Variants in STK17A observed in about 807,000 individuals in gnomAD.
STK17A encodes the protein serine/threonine-protein kinase 17A.
Under a neutral mutation model 43.7 loss-of-function variants are expected in STK17A, and 26 were observed. That is an observed-to-expected ratio of 0.60 (90% CI 0.44 to 0.83). The LOEUF is 0.83. Among genes scored for constraint, STK17A ranks in the 40% least tolerant of loss-of-function variants. The pLI, the probability that STK17A is intolerant of heterozygous loss-of-function variation, is 0.00. For missense variants in STK17A, 476 were observed against 511.6 expected (o/e 0.93, Z 0.67); for synonymous variants, 191 against 182.5 (o/e 1.05, Z -0.38).
chr7:43,590,425 A>T (rs969957547), intron 1 of STK17A, among the ~76,000 whole-genome samples: 1 of 151,308 alleles, frequency 6.6e-6, no homozygotes, highest in Admixed American at 6.6e-5. Context: ...GGTGGGTCTC[A>T]ATCAAATGTC....
intron 2 of STK17A, among the ~76,000 whole-genome samples, chr7:43,604,645 G>A (rs1052977664): frequency 2.6e-5 from 4 of 152,122 alleles, no homozygotes; most frequent in African/African-American, 9.7e-5. Context: ...AGCAATTTGA[G>A]TATAGTGCCT....
At chr7:43,617,085 G>A (rs2083425264) in intron 3 of STK17A, among the ~76,000 whole-genome samples, 1 of 152,212 alleles carries the variant, frequency 6.6e-6, no homozygotes, top group South Asian at 2.1e-4. Context: ...TCTTGTGAGA[G>A]GGAGCATGGC....
chr7:43,619,056 A>G (rs759685693), intron 3 of STK17A, among the ~76,000 whole-genome samples: 1 of 152,194 alleles, frequency 6.6e-6, no homozygotes, highest in Non-Finnish European at 1.5e-5. Flanking sequence ...ATGGGGAGGA[A>G]TTTCAACAAT....
chr7:43,590,835 A>T (rs1385283330), intron 1 of STK17A, among the ~76,000 whole-genome samples: 1 of 151,438 alleles, frequency 6.6e-6, no homozygotes, highest in Non-Finnish European at 1.5e-5. Flanking sequence ...TACAGTCACA[A>T]TTTTTACCAT....
At chr7:43,605,758 C>T (rs751913865) in intron 2 of STK17A, among the ~76,000 whole-genome samples, 16 of 151,982 alleles carry the variant, frequency 1.1e-4, no homozygotes, top group Non-Finnish European at 1.9e-4. Context: ...GCTCATGGTC[C>T]TATACCTGTT....
rs57811536 is a variant in STK17A, at chr7:43,595,267, C to CTTT, written c.207-616_207-614dup. On this transcript the variant is annotated intron_variant, in intron 1 of 6. Coordinates refer to ENST00000319357, the MANE Select transcript of STK17A (RefSeq NM_004760.3). ...CAATTTCTATTAAAAAATCAAATGGCTTTTTTTTTTTTTTTTTTTTCCCCC... is the reference window on the plus strand; with the variant it reads ...CAATTTCTATTAAAAAATCAAATGGCTTTTTTTTTTTTTTTTTTTTTTTCCCCC... Among the ~76,000 whole-genome samples, 325 of 88,310 alleles carry CTTT rather than the reference C, an allele frequency of 3.7e-3. 1 individual carries two copies. Among genetic ancestry groups the CTTT allele is most frequent in the East Asian group, 6.5e-3 (18 of 2,790 alleles). The allele number at this position is 88,310 out of a possible 152,430, so 57.9% of individuals were successfully genotyped here.
At chr7:43,592,446 A>AAAGGAAAACTACGTTTTTC (rs2082486206) in intron 1 of STK17A, among the ~76,000 whole-genome samples, 1 of 150,690 alleles carries the variant, frequency 6.6e-6, no homozygotes, top group Non-Finnish European at 1.5e-5. Flanking sequence ...AATGATAAAA[A>AAAGGAAAACTACGTTTTTC]CATGGAGGAC....
At chr7:43,617,214 T>C (rs1002283227) in intron 3 of STK17A, among the ~76,000 whole-genome samples, 2 of 152,046 alleles carry the variant, frequency 1.3e-5, no homozygotes, top group Non-Finnish European at 2.9e-5. Flanking sequence ...ATGCACACCA[T>C]GCGAAGGAGT....
At chr7:43,603,693 A>G (rs570214728) in intron 2 of STK17A, among the ~76,000 whole-genome samples, 1 of 152,312 alleles carries the variant, frequency 6.6e-6, no homozygotes, top group Non-Finnish European at 1.5e-5. Context: ...TAGAATAACT[A>G]TGCTGGGGGC....
Position 43,610,867 on chromosome 7 carries a change from A to C in STK17A, c.564+2467A>C, listed in dbSNP as rs528499398. Among the ~76,000 whole-genome samples the C allele has an allele frequency of 3.3e-5, 5 of 152,278 alleles. No individual in the cohort carries two copies. In the South Asian group the frequency reaches 1.0e-3, roughly 32 times the overall value. On this transcript the variant is annotated intron_variant, in intron 3 of 6. Coordinates refer to ENST00000319357, the MANE Select transcript of STK17A (RefSeq NM_004760.3). ...CGCAGTGGCTCATGCCTGTAATCCC[A>C]GCACTTTGGGAGGTCAAGGAGGGCA...
At position 43,626,415 on chromosome 7, in the gene STK17A, C is replaced by T. The variant is rs1018873527; in HGVS notation, c.*1573C>T. 7.2e-5 allele frequency: 11 copies of T among 152,212 alleles called. No individual in the cohort carries two copies. The highest frequency in any genetic ancestry group is 2.4e-4 in the African/African-American group (10 of 41,464). The allele number at this position is 152,212 out of a possible 1,614,324, so 9.4% of individuals were successfully genotyped here. On this transcript the variant is annotated 3_prime_UTR_variant, in exon 7 of 7. Transcript: ENST00000319357. ...GCCCTTTACACCATTAGGTGAAATT[C>T]ATCAGGCACTTCAGACAACCAGGTT...
intron 2 of STK17A, among the ~76,000 whole-genome samples, chr7:43,598,465 G>A (rs1461514300): frequency 1.1e-4 from 13 of 119,066 alleles, no homozygotes; most frequent in East Asian, 7.2e-4. Context: ...GCAAGACTCC[G>A]TCTCAAAAAA....
intron 1 of STK17A, among the ~76,000 whole-genome samples, chr7:43,588,714 C>T (rs780740654): frequency 2.0e-5 from 3 of 151,310 alleles, no homozygotes; most frequent in African/African-American, 2.4e-5. Flanking sequence ...CACCTGTAGT[C>T]CCAGCTACTT....
In STK17A at chr7:43,624,603, G is replaced by C. The variant is rs536016170; in HGVS notation, c.1006G>C (p.Ala336Pro). 3 of 1,613,988 alleles carry C rather than the reference G, an allele frequency of 1.9e-6. No individual in the cohort carries two copies. The South Asian group carries it at 3.3e-5, about 18-fold the overall frequency. The change falls in exon 7 of 7, where the codon GCA (alanine) becomes CCA (proline). Residue 336 changes from alanine to proline, a missense_variant. Transcript: ENST00000319357. ...AGAGCCTTCTTTCAGGATGGAAAAG[G>C]CACTAGAAGAAGCAAATGCCCTCCA... ...IQEPSFRMEK[A>P]LEEANALQEG...
At chr7:43,610,568 G>A (rs111936400) in intron 3 of STK17A, among the ~76,000 whole-genome samples, 1,630 of 152,078 alleles carry the variant, frequency 0.011, 31 homozygotes, top group African/African-American at 0.038. Flanking sequence ...TCCAGAGGCT[G>A]AGGGGGGAGA....
In STK17A at chr7:43,587,154, G is replaced by GTTTTTTTT. The variant is rs71011929; in HGVS notation, c.206+3716_206+3723dup. On this transcript the variant is annotated intron_variant, in intron 1 of 6. Coordinates refer to ENST00000319357, the MANE Select transcript of STK17A (RefSeq NM_004760.3). Reference sequence around the variant, plus strand: ...AAATGATATGTTTTTATTGTTTTTTGTTTTTTTTTTTTTTTTTTGAGATGG... The same window carrying GTTTTTTTT: ...AAATGATATGTTTTTATTGTTTTTTGTTTTTTTTTTTTTTTTTTTTTTTTTTGAGATGG... Among the ~76,000 whole-genome samples, 262 of 112,034 alleles carry GTTTTTTTT rather than the reference G, an allele frequency of 2.3e-3. 2 individuals are homozygous for GTTTTTTTT. Among genetic ancestry groups the GTTTTTTTT allele is most frequent in the Non-Finnish European group, 3.8e-3 (209 of 54,974 alleles). The allele number at this position is 112,034 out of a possible 152,430, so 73.5% of individuals were successfully genotyped here. A position where few individuals can be genotyped will look rare whatever the true frequency, so the allele number is the denominator to read the frequency against.
intron 2 of STK17A, among the ~76,000 whole-genome samples, chr7:43,604,208 GA>G (rs891750423): frequency 1.3e-4 from 19 of 151,248 alleles, no homozygotes; most frequent in South Asian, 6.3e-4. Flanking sequence ...TTATATATAA[GA>G]AAAAAAAATC....
Position 43,588,538 on chromosome 7 carries a change from T to G in STK17A, c.206+5089T>G, listed in dbSNP as rs1312615591. On this transcript the variant is annotated intron_variant, in intron 1 of 6. Transcript: ENST00000319357. ...AGGAAGACAAAATCCATTCTAGGTT[T>G]TTCCTGAATGGAACTTCTTTACGTT... Among the ~76,000 whole-genome samples, 4 of 151,540 alleles carry G rather than the reference T, an allele frequency of 2.6e-5. No individual in the cohort carries two copies. The East Asian group carries it at 7.7e-4, about 29-fold the overall frequency.
intron 1 of STK17A, among the ~76,000 whole-genome samples, chr7:43,584,148 T>A (rs963506267): frequency 1.3e-5 from 2 of 152,098 alleles, no homozygotes; most frequent in African/African-American, 4.8e-5. Flanking sequence ...TAGAGAGAGC[T>A]TACAACTTGG....
Sources: gnomAD v4.1 joint callset for allele counts (sites outside exome capture counted in the v4.1 genomes callset) on GRCh38, gnomAD v4.1.1 for gene constraint, MANE v1.5 for transcripts, NCBI Gene and HGNC (gene_info 2026-07-23, HGNC 2026-07-21) for gene names.